The following GRK3 variants were observed in gnomAD, a reference collection of about 807,000 sequenced individuals.
GRK3 encodes the protein adrenergic, beta, receptor kinase 2.
In GRK3, 54 loss-of-function variants were observed where a neutral mutation model predicts 95.7. The observed-to-expected ratio is 0.56, with a 90% CI of 0.45 to 0.71. The LOEUF (loss-of-function observed/expected upper bound fraction) is 0.71, where lower values mean the gene tolerates loss of function less well. Among genes scored for constraint, GRK3 ranks in the 30% least tolerant of loss-of-function variants. GRK3 has a pLI of 0.00. For synonymous variants in GRK3, 281 were observed against 290.8 expected, an observed-to-expected ratio of 0.97 and a Z score of 0.34; for missense variants, 649 against 851.2, an observed-to-expected ratio of 0.76 and a Z score of 2.96.
chr22:25,649,932 A>T (rs954485983), intron 3 of GRK3, among the ~76,000 whole-genome samples: 8 of 152,118 alleles, frequency 5.3e-5, no homozygotes, highest in African/African-American at 1.4e-4. Context: ...TTTTCTGAAG[A>T]GTTTGACTTA....
At chr22:25,703,717 A>G in intron 14 of GRK3, 141 bp downstream of exon 14, 1 of 608,128 alleles carries the variant, frequency 1.6e-6, no homozygotes, top group East Asian at 2.9e-5. Context: ...TGCTTTCTTG[A>G]AACAAATAAA....
At chr22:25,717,394 G>C (rs746135895) in intron 18 of GRK3, among the ~76,000 whole-genome samples, 150 of 152,166 alleles carry the variant, frequency 9.9e-4, no homozygotes, top group Middle Eastern at 3.4e-3. Context: ...CCTCTCCTTT[G>C]TTCTTTACCT....
rs530954581 is a variant in GRK3 at position 25,625,705 on chromosome 22, C to T, written c.191-18887C>T. On this transcript the variant is annotated intron_variant, in intron 2 of 20. Coordinates refer to ENST00000324198, the MANE Select transcript of GRK3 (RefSeq NM_005160.4). ...CTTCAGTGGTCATGCTCCTAGTCTG[C>T]CTTCATGTTTCATCCTGTACACCTG... Among the ~76,000 whole-genome samples, 7 of 152,322 alleles carry T rather than the reference C, an allele frequency of 4.6e-5. No homozygotes were observed. The South Asian group carries it at 1.4e-3, about 32-fold the overall frequency.
At chr22:25,668,315 A>G (rs568717646) in intron 6 of GRK3, among the ~76,000 whole-genome samples, 2 of 152,300 alleles carry the variant, frequency 1.3e-5, no homozygotes, top group South Asian at 4.1e-4. Context: ...CAGTTTTTTG[A>G]GTATGTCTCT....
At chr22:25,565,978 A>G (rs564852503) in intron 1 of GRK3, among the ~76,000 whole-genome samples, 2 of 152,330 alleles carry the variant, frequency 1.3e-5, no homozygotes, top group South Asian at 2.1e-4. Flanking sequence ...GGTGAGGTGC[A>G]TACCAAGTTG....
At chr22:25,606,559 C>T (rs1314897645) in intron 2 of GRK3, among the ~76,000 whole-genome samples, 3 of 152,124 alleles carry the variant, frequency 2.0e-5, no homozygotes, top group Non-Finnish European at 2.9e-5. Context: ...TGACTCCATG[C>T]GTTCCTGCCC....
intron 7 of GRK3, among the ~76,000 whole-genome samples, chr22:25,673,929 A>G (rs564460408): frequency 6.6e-6 from 1 of 152,088 alleles, no homozygotes; most frequent in Admixed American, 6.6e-5. Flanking sequence ...ACCAATAACA[A>G]ATTCACATGG....
chr22:25,616,570 A>G (rs576345270), intron 2 of GRK3, among the ~76,000 whole-genome samples: 276 of 152,326 alleles, frequency 1.8e-3, no homozygotes, highest in African/African-American at 6.3e-3. Context: ...GGATTTGGGC[A>G]TGGACATACA....
chr22:25,695,119 G>A lies in GRK3; in HGVS notation c.1065G>A (p.Gly355=). The A allele has an allele frequency of 6.2e-7, 1 of 1,613,794 alleles. No homozygotes were observed. The highest frequency in any genetic ancestry group is 8.5e-7 in the Non-Finnish European group (1 of 1,179,760). ...TTCTTCTCCCTAGTGGCACCCATGG[G>A]TACATGGCTCCCGAGGTGCTGCAGA... ...KKPHASVGTH[G]YMAPEVLQKG... The change falls in exon 13 of 21, where the codon GGG becomes GGA. Residue 355 remains glycine (G), a synonymous_variant. Coordinates refer to ENST00000324198, the MANE Select transcript of GRK3 (RefSeq NM_005160.4).
At chr22:25,625,132 C>T (rs1415125674) in intron 2 of GRK3, among the ~76,000 whole-genome samples, 5 of 151,742 alleles carry the variant, frequency 3.3e-5, no homozygotes, top group South Asian at 2.1e-4. Context: ...TAGCTGTGGG[C>T]GGCAAGCCAC....
At chr22:25,668,166 C>T (rs561898250) in intron 6 of GRK3, among the ~76,000 whole-genome samples, 1 of 152,320 alleles carries the variant, frequency 6.6e-6, no homozygotes, top group South Asian at 2.1e-4. Flanking sequence ...CAAAGCAGGA[C>T]AAGCCTGTAC....
At chr22:25,583,924 G>T (rs1223155990) in intron 1 of GRK3, among the ~76,000 whole-genome samples, 1 of 152,176 alleles carries the variant, frequency 6.6e-6, no homozygotes, top group East Asian at 1.9e-4. Flanking sequence ...GACAGATTTG[G>T]CACTATAGCT....
chr22:25,675,475 A>T (rs1569189685), intron 8 of GRK3, among the ~76,000 whole-genome samples: 2 of 152,072 alleles, frequency 1.3e-5, no homozygotes, highest in African/African-American at 4.8e-5. Context: ...TTTTTAACAG[A>T]AGTGGCTTAA....
intron 2 of GRK3, among the ~76,000 whole-genome samples, chr22:25,604,791 T>A (rs1390010175): frequency 1.3e-5 from 2 of 152,224 alleles, no homozygotes; most frequent in Non-Finnish European, 2.9e-5. Flanking sequence ...TGTAATAGCT[T>A]TAAAATTATT....
At chr22:25,680,870 C>T (rs575564238) in intron 9 of GRK3, among the ~76,000 whole-genome samples, 1 of 151,872 alleles carries the variant, frequency 6.6e-6, no homozygotes, top group Non-Finnish European at 1.5e-5. Flanking sequence ...TTTGATCAGA[C>T]TGTATCGGCA....
intron 2 of GRK3, among the ~76,000 whole-genome samples, chr22:25,641,875 C>T (rs530932915): frequency 1.3e-5 from 2 of 152,212 alleles, no homozygotes; most frequent in South Asian, 4.1e-4. Flanking sequence ...CGTGGGTAGG[C>T]TATGGTGAAG....
intron 1 of GRK3, among the ~76,000 whole-genome samples, chr22:25,586,524 TA>T (rs1328865742): frequency 6.6e-6 from 1 of 152,210 alleles, no homozygotes; most frequent in African/African-American, 2.4e-5. Flanking sequence ...AAAGATAAAT[TA>T]AAAAAAATCA....
rs1272885457 is a variant in GRK3 at position 25,564,980 on chromosome 22, C to A, written c.-61C>A. 1 of 445,046 alleles carries A rather than the reference C, an allele frequency of 2.2e-6. No homozygotes were observed. The highest frequency in any genetic ancestry group is 3.0e-6 in the Non-Finnish European group (1 of 328,402). The allele number at this position is 445,046 out of a possible 1,614,324, so 27.6% of individuals were successfully genotyped here. ...GTCGGGGCGCGGCGGGCGGCGGCGG[C>A]GGGCGCGCGTCCCGTCCAGGTCCGG... is the stretch of plus-strand genomic sequence containing the variant. On this transcript the variant is annotated 5_prime_UTR_variant, in exon 1 of 21. Transcript: ENST00000324198.
chr22:25,688,092 C>T (rs771465542), intron 11 of GRK3, among the ~76,000 whole-genome samples: 22 of 151,894 alleles, frequency 1.4e-4, no homozygotes, highest in East Asian at 1.9e-4. Context: ...AAAAATTAGC[C>T]GGGCGTGGTG....
Sources: gnomAD v4.1 joint callset for allele counts (sites outside exome capture counted in the v4.1 genomes callset) on GRCh38, gnomAD v4.1.1 for gene constraint, MANE v1.5 for transcripts, NCBI Gene and HGNC (gene_info 2026-07-23, HGNC 2026-07-21) for gene names.